The following ITPKB variants were observed in gnomAD, a reference collection of about 807,000 sequenced individuals.
ITPKB encodes inositol-trisphosphate 3-kinase B, also known as IP3 3-kinase B.
ITPKB carries 13 observed loss-of-function variants against 69.4 expected under a neutral mutation model. The ratio of observed to expected loss-of-function variants is 0.19; its 90% CI spans 0.12 to 0.30. The LOEUF (loss-of-function observed/expected upper bound fraction) is 0.30. ITPKB is among the 10% of genes least tolerant of loss of function. The pLI, the probability that ITPKB is intolerant of heterozygous loss-of-function variation, is 1.00. For missense variants in ITPKB, 1,240 were observed against 1,250.5 expected (o/e 0.99, Z 0.13); for synonymous variants, 584 against 513.7 (o/e 1.14, Z -1.85).
intron 4 of ITPKB, among the ~76,000 whole-genome samples, chr1:226,644,966 C>G (rs1487871606): frequency 1.3e-5 from 2 of 152,232 alleles, no homozygotes; most frequent in Non-Finnish European, 2.9e-5. Context: ...TCCCACACAG[C>G]CCCCTTGGGA....
chr1:226,678,950 G>C (rs1056217293), intron 2 of ITPKB, among the ~76,000 whole-genome samples: 1 of 152,236 alleles, frequency 6.6e-6, no homozygotes, highest in African/African-American at 2.4e-5. Flanking sequence ...TCTGCGGAGG[G>C]CTACTGATGA....
intron 2 of ITPKB, among the ~76,000 whole-genome samples, chr1:226,674,717 T>A (rs1315013756): frequency 6.6e-6 from 1 of 152,140 alleles, no homozygotes; most frequent in Non-Finnish European, 1.5e-5. Flanking sequence ...TTCCTGACCC[T>A]TTCCTTGTAT....
intron 2 of ITPKB, among the ~76,000 whole-genome samples, chr1:226,711,442 A>AGAGAGAGAGT (rs1491474441): frequency 2.9e-5 from 3 of 102,358 alleles, no homozygotes; most frequent in African/African-American, 1.2e-4. Context: ...AGAGAGAGAG[A>AGAGAGAGAGT]GTGTGTGTGT....
Position 226,693,225 on chromosome 1 carries a change from A to G in ITPKB, c.1932+42302T>C, listed in dbSNP as rs376684199. Among the ~76,000 whole-genome samples, 11 of 152,306 alleles carry G rather than the reference A, an allele frequency of 7.2e-5. No homozygotes were observed. The South Asian group carries it at 2.1e-3, about 29-fold the overall frequency. Reference sequence around the variant, plus strand: ...GTTTCTGTTGGGAATAGTGACAGCCAAAAACTCAGAAGCAGAACACACAAG... The same window carrying G: ...GTTTCTGTTGGGAATAGTGACAGCCGAAAACTCAGAAGCAGAACACACAAG... On this transcript the variant is annotated intron_variant, in intron 2 of 7. Transcript: ENST00000429204.
chr1:226,673,676 T>C (rs544119461), intron 2 of ITPKB, among the ~76,000 whole-genome samples: 1 of 151,904 alleles, frequency 6.6e-6, no homozygotes, highest in Non-Finnish European at 1.5e-5. Context: ...AGATATTGCA[T>C]AGCTATAGAT....
chr1:226,682,431 C>T (rs1300754078), intron 2 of ITPKB, among the ~76,000 whole-genome samples: 1 of 152,176 alleles, frequency 6.6e-6, no homozygotes, highest in African/African-American at 2.4e-5. Context: ...GGGTTTGGAG[C>T]AAAGCAAGCA....
intron 2 of ITPKB, among the ~76,000 whole-genome samples, chr1:226,703,052 T>C (rs757626301): frequency 5.3e-5 from 8 of 152,084 alleles, no homozygotes; most frequent in South Asian, 2.1e-4. Flanking sequence ...AGCTTAAACA[T>C]TGAGGTCTGA....
At chr1:226,733,359 T>A (rs1455804529) in intron 2 of ITPKB, among the ~76,000 whole-genome samples, 1 of 152,182 alleles carries the variant, frequency 6.6e-6, no homozygotes, top group Non-Finnish European at 1.5e-5. Flanking sequence ...ACTCACTCCA[T>A]CAAGATGTCT....
In ITPKB at chr1:226,693,448, G is replaced by A. The variant is rs192970569; in HGVS notation, c.1932+42079C>T. On this transcript the variant is annotated intron_variant, in intron 2 of 7. Transcript: ENST00000429204. The stretch of plus-strand genomic sequence containing the variant: ...TTTAGAACCACTTCCTACTGGGTCC[G>A]TAGAGATCACTGCCTGTCCCCCTAC... 1.2e-4 allele frequency among the ~76,000 whole-genome samples: 18 copies of A among 152,296 alleles called. No homozygotes were observed. The East Asian group carries it at 3.5e-3, about 29-fold the overall frequency.
rs1657743082 is a variant in ITPKB, at chr1:226,736,033, G to A, written c.1426C>T (p.Leu476=). The A allele has an allele frequency of 1.9e-6, 3 of 1,613,632 alleles. No homozygotes were observed. The highest frequency in any genetic ancestry group is 4.5e-5 in the East Asian group (2 of 44,872). The part of the protein sequence containing the change: ...VEAGIPSGRM[L]EPLPCWDAAK... ...GCGTCCCAACAGGGCAAAGGCTCCA[G>A]CATTCTGCCAGAAGGAATTCCCGCC... Residue 476 remains leucine (L), a synonymous_variant, in exon 2 of 8, where the codon CTG becomes TTG. Transcript: ENST00000429204.
intron 2 of ITPKB, among the ~76,000 whole-genome samples, chr1:226,691,922 CCACCTGGAGTCTGTAG>C (rs1190591133): frequency 6.6e-6 from 1 of 152,152 alleles, no homozygotes; most frequent in Non-Finnish European, 1.5e-5. Flanking sequence ...CACCCAGGGC[CCACCTGGAGTCTGTAG>C]CACTCTTTTT....
At chr1:226,699,387 A>T (rs574401143) in intron 2 of ITPKB, among the ~76,000 whole-genome samples, 2 of 152,356 alleles carry the variant, frequency 1.3e-5, no homozygotes, top group East Asian at 3.9e-4. Context: ...AGCAGTGTAG[A>T]CTACAGCAGT....
In ITPKB at chr1:226,736,264, TCA is replaced by T; in HGVS notation, c.1193_1194del (p.Val398GlufsTer9). ...TCAGAGGACTCTGCGCTTTGCACGC[TCA>T]CAGTCGTCTCCTCTGGCCTTTTGCC... is the stretch of plus-strand genomic sequence containing the variant. ...EVGKRPEETTVSVQSAESSDS... is the reference protein window; with the variant it reads ...EVGKRPEETTXSVQSAESSDS... On this transcript the variant is annotated frameshift_variant, in exon 2 of 8. Coordinates refer to ENST00000429204, the MANE Select transcript of ITPKB (RefSeq NM_002221.4). LOFTEE classifies it high-confidence loss of function. 1 of 1,576,064 alleles carries T rather than the reference TCA, an allele frequency of 6.3e-7. No individual in the cohort carries two copies. Among genetic ancestry groups the T allele is most frequent in the South Asian group, 1.2e-5 (1 of 84,582 alleles).
At chr1:226,660,383 C>T (rs921089536) in intron 2 of ITPKB, among the ~76,000 whole-genome samples, 3 of 152,208 alleles carry the variant, frequency 2.0e-5, no homozygotes, top group African/African-American at 7.2e-5. Flanking sequence ...AAGGGGCCTG[C>T]AATCTTGCTA....
At chr1:226,675,780 G>C (rs1205608381) in intron 2 of ITPKB, among the ~76,000 whole-genome samples, 1 of 152,182 alleles carries the variant, frequency 6.6e-6, no homozygotes, top group Non-Finnish European at 1.5e-5. Context: ...GCAAATGCTT[G>C]TTATCAATGT....
chr1:226,700,376 G>C (rs1425518383), intron 2 of ITPKB, among the ~76,000 whole-genome samples: 1 of 145,954 alleles, frequency 6.9e-6, no homozygotes, highest in Non-Finnish European at 1.5e-5. Context: ...GGCTGAGACA[G>C]GGGAATCACT....
intron 2 of ITPKB, among the ~76,000 whole-genome samples, chr1:226,681,329 A>G (rs150476430): frequency 9.9e-5 from 15 of 152,284 alleles, no homozygotes; most frequent in African/African-American, 3.4e-4. Context: ...TTACCATTGC[A>G]GACACCTCCA....
chr1:226,654,657 T>G (rs894919363), intron 2 of ITPKB, among the ~76,000 whole-genome samples: 4 of 152,154 alleles, frequency 2.6e-5, no homozygotes, highest in African/African-American at 9.7e-5. Flanking sequence ...CCCGAGCCAG[T>G]GGGGCTGCCT....
rs1397381771 is a variant in ITPKB at position 226,736,545 on chromosome 1, T to G, written c.914A>C (p.Glu305Ala). The G allele has an allele frequency of 2.5e-6, 4 of 1,613,944 alleles. No individual in the cohort carries two copies. ...LFGASLTMATEVAARVTSTGP... is the reference protein window; with the variant it reads ...LFGASLTMATAVAARVTSTGP... ...AGTGGATGTAACTCTCGCTGCCACT[T>G]CCGTGGCCATCGTTAAGCTAGCTCC... Residue 305 changes from glutamate (E) to alanine (A), a missense_variant, in exon 2 of 8, where the codon GAA becomes GCA. Around this residue, in one of 2 missense-constraint regions of ITPKB, gnomAD observed 992 missense variants for 853.8 expected, o/e 1.16. Transcript: ENST00000429204.
Sources: allele counts gnomAD v4.1 joint callset (sites outside exome capture counted in the v4.1 genomes callset), GRCh38; gene constraint gnomAD v4.1.1; regional missense constraint gnomAD v4.1.1; transcripts MANE v1.5; gene names NCBI Gene and HGNC (gene_info 2026-07-23, HGNC 2026-07-21).